MAVS: variants seen among roughly 807,000 people sequenced by gnomAD.
MAVS encodes mitochondrial antiviral signaling protein.
Under a neutral mutation model 30.2 loss-of-function variants are expected in MAVS, and 20 were observed. The observed-to-expected ratio is 0.66, with a 90% confidence interval of 0.47 to 0.96. The LOEUF (loss-of-function observed/expected upper bound fraction) is 0.96. Ranked by LOEUF, MAVS falls within the 40% of genes least tolerant of loss-of-function variation. The pLI, the probability that MAVS is intolerant of heterozygous loss-of-function variation, is 0.00. For missense variants in MAVS, 624 were observed against 701.1 expected (o/e 0.89, Z 1.24); for synonymous variants, 278 against 293.9 (o/e 0.95, Z 0.55).
At chr20:3,864,059 A>C (rs1029013556) in intron 5 of MAVS, among the ~76,000 whole-genome samples, 197 bp from the exon 6 acceptor site, 1 of 152,158 alleles carries the variant, frequency 6.6e-6, no homozygotes, top group African/African-American at 2.4e-5. Flanking sequence ...GCTACAGGTC[A>C]AGGACTGAGG....
In MAVS at chr20:3,854,661, T is replaced by C; in HGVS notation, c.37T>C (p.Cys13Arg). ...FAEDKTYKYICRNFSNFCNVD... is the reference protein window; with the variant it reads ...FAEDKTYKYIRRNFSNFCNVD... Reference sequence around the variant, plus strand: ...TGAAGACAAGACCTATAAGTATATCTGCCGCAATTTCAGCAATTTTTGCAA... The same window carrying C: ...TGAAGACAAGACCTATAAGTATATCCGCCGCAATTTCAGCAATTTTTGCAA... The change falls in exon 2 of 7, where the codon TGC becomes CGC. Residue 13 changes from cysteine (C) to arginine (R), a missense_variant. Physicochemically the swap from Cys to Arg is radical, Grantham distance 180. Transcript: ENST00000428216. The C allele has an allele frequency of 6.2e-7, 1 of 1,613,906 alleles. No homozygotes were observed. The highest frequency in any genetic ancestry group is 8.5e-7 in the Non-Finnish European group (1 of 1,179,900).
At position 3,865,870 on chromosome 20, in the gene MAVS, T is replaced by C. The variant is rs1420839816; in HGVS notation, c.1346T>C (p.Met449Thr). 1.2e-6 allele frequency: 2 copies of C among 1,613,932 alleles called. No individual in the cohort carries two copies. Among genetic ancestry groups the C allele is most frequent in the African/African-American group, 1.3e-5 (1 of 74,934 alleles). The stretch of plus-strand genomic sequence containing the variant: ...ATCAGTGCCAGCACCTCCTTGGGCA[T>C]GGGGCCCTGCCATGGCCCAGAGGAG... ...LAISASTSLGMGPCHGPEENE... is the reference protein window; with the variant it reads ...LAISASTSLGTGPCHGPEENE... Residue 449 changes from methionine to threonine, a missense_variant, in exon 7 of 7, where the codon ATG (methionine) becomes ACG (threonine). Physicochemically the swap from Met to Thr is moderately conservative, Grantham distance 81. Transcript: ENST00000428216. The surrounding 1 kb of genome is among the most constrained non-coding windows in gnomAD (Gnocchi z 4.7).
chr20:3,848,079 G>A (rs2089723417), intron 1 of MAVS, among the ~76,000 whole-genome samples: 1 of 152,000 alleles, frequency 6.6e-6, no homozygotes, highest in Non-Finnish European at 1.5e-5. Flanking sequence ...CCTGGCTGAT[G>A]CCATGAGAAA....
chr20:3,848,513 C>T (rs1298554221), intron 1 of MAVS, among the ~76,000 whole-genome samples: 3 of 152,224 alleles, frequency 2.0e-5, no homozygotes, highest in Admixed American at 6.5e-5. Context: ...ACTTGCCCCA[C>T]GAGGAATGTA....
At chr20:3,862,774 G>A (rs2089876801) in intron 5 of MAVS, among the ~76,000 whole-genome samples, 1 of 152,140 alleles carries the variant, frequency 6.6e-6, no homozygotes, top group Admixed American at 6.5e-5. Flanking sequence ...TGTTTGCTGA[G>A]CACCTTGGTT....
At chr20:3,854,054 T>C (rs559639792) in intron 1 of MAVS, among the ~76,000 whole-genome samples, 1 of 147,376 alleles carries the variant, frequency 6.8e-6, no homozygotes. Flanking sequence ...CAAATTGGCC[T>C]CCCAAAGTGC....
intron 1 of MAVS, among the ~76,000 whole-genome samples, chr20:3,848,378 C>A (rs148544282): frequency 6.6e-6 from 1 of 152,146 alleles, no homozygotes; most frequent in African/African-American, 2.4e-5. Context: ...GGATTCCAGG[C>A]GTGAGCCACC....
At chr20:3,849,335 G>A (rs575509956) in intron 1 of MAVS, among the ~76,000 whole-genome samples, 58 of 151,774 alleles carry the variant, frequency 3.8e-4, no homozygotes, top group Non-Finnish European at 6.6e-4. Context: ...TCAGCCTCCC[G>A]AGTAGCTGGG....
At chr20:3,859,682 G>A (rs2089847765) in intron 3 of MAVS, among the ~76,000 whole-genome samples, 2 of 152,032 alleles carry the variant, frequency 1.3e-5, no homozygotes, top group Non-Finnish European at 2.9e-5. Flanking sequence ...CCTGGGGACA[G>A]AGAAGAGTGA....
In MAVS at chr20:3,868,927, G is replaced by A. The variant is rs186621347; in HGVS notation, c.*2780G>A. Reference sequence around the variant, plus strand: ...TTTTAGCACAGTAACCAGCCATGATGGGAGATACCCTGGGTAAGGCATGTA... The same window carrying A: ...TTTTAGCACAGTAACCAGCCATGATAGGAGATACCCTGGGTAAGGCATGTA... On this transcript the variant is annotated 3_prime_UTR_variant, in exon 7 of 7. Coordinates refer to ENST00000428216, the MANE Select transcript of MAVS (RefSeq NM_020746.5). The A allele has an allele frequency of 1.3e-5, 2 of 152,342 alleles. No homozygotes were observed. The highest frequency in any genetic ancestry group is 6.5e-5 in the Admixed American group (1 of 15,280). 9.4% of individuals were successfully genotyped at this position (152,342 alleles called of 1,614,324 possible).
rs150691904 is a variant in MAVS at position 3,858,162 on chromosome 20, C to T, written c.292+353C>T. 2.1e-3 allele frequency among the ~76,000 whole-genome samples: 322 copies of T among 152,194 alleles called. 2 individuals are homozygous for T. The highest frequency in any genetic ancestry group is 7.1e-3 in the African/African-American group (296 of 41,528). ...CACATGGAGTCTCCCCTAACTTTCA[C>T]GGCTGTAGCATTCGCCTCCCACCCT... On this transcript the variant is annotated intron_variant, in intron 3 of 6. Coordinates refer to ENST00000428216, the MANE Select transcript of MAVS (RefSeq NM_020746.5).
chr20:3,874,561 C>T lies in MAVS; in HGVS notation c.*8414C>T, dbSNP rs1413442051. On this transcript the variant is annotated 3_prime_UTR_variant, in exon 7 of 7. Coordinates refer to ENST00000428216, the MANE Select transcript of MAVS (RefSeq NM_020746.5). Reference sequence around the variant, plus strand: ...GGAGATTGTTGGCATGGGGACAGAGCGGACTAACTGGAGGGGCATCTTTGG... The same window carrying T: ...GGAGATTGTTGGCATGGGGACAGAGTGGACTAACTGGAGGGGCATCTTTGG... 1 of 221,264 alleles carries T rather than the reference C, an allele frequency of 4.5e-6. No individual in the cohort carries two copies. The highest frequency in any genetic ancestry group is 8.8e-6 in the Non-Finnish European group (1 of 113,546). The allele number at this position is 221,264 out of a possible 1,614,324, so 13.7% of individuals were successfully genotyped here.
rs745822923 is a variant in MAVS, at chr20:3,868,254, T to TG, written c.*2108dup. On this transcript the variant is annotated 3_prime_UTR_variant, in exon 7 of 7. Coordinates refer to ENST00000428216, the MANE Select transcript of MAVS (RefSeq NM_020746.5). The stretch of plus-strand genomic sequence containing the variant: ...ACCCTAAACCCCAGTTAGGTACCCA[T>TG]GCTGGGCAGGTCAGTTAACAATTTA... 2 of 152,356 alleles carry TG rather than the reference T, an allele frequency of 1.3e-5. No individual in the cohort carries two copies. Among genetic ancestry groups the TG allele is most frequent in the African/African-American group, 2.4e-5 (1 of 41,442 alleles). 9.4% of individuals were successfully genotyped at this position (152,356 alleles called of 1,614,324 possible). A position where few individuals can be genotyped will look rare whatever the true frequency, so the allele number is the denominator to read the frequency against.
At chr20:3,858,093 C>T (rs185323127) in intron 3 of MAVS, among the ~76,000 whole-genome samples, 6 of 152,104 alleles carry the variant, frequency 3.9e-5, no homozygotes, top group Admixed American at 6.6e-5. Context: ...CGGGACGATG[C>T]GTGTTGAGTA....
chr20:3,860,373 AT>A (rs36084316), intron 3 of MAVS, among the ~76,000 whole-genome samples: 7,885 of 124,928 alleles, frequency 0.063, 297 homozygotes, highest in East Asian at 0.25. Context: ...GATTCCTTCT[AT>A]TTTTTTTTTT....
At position 3,873,957 on chromosome 20, in the gene MAVS, A is replaced by T; in HGVS notation, c.*7810A>T. On this transcript the variant is annotated 3_prime_UTR_variant, in exon 7 of 7. Coordinates refer to ENST00000428216, the MANE Select transcript of MAVS (RefSeq NM_020746.5). ...TATGTCCACCGAGACATTGGCAAGA[A>T]TGTTTCTAACCACACGCTGACTGTA... 2.5e-6 allele frequency: 1 copy of T among 396,802 alleles called. No homozygotes were observed. The highest frequency in any genetic ancestry group is 1.4e-4 in the South Asian group (1 of 6,994). The allele number at this position is 396,802 out of a possible 1,614,324, so 24.6% of individuals were successfully genotyped here.
chr20:3,855,178 C>T (rs1363135145), intron 2 of MAVS, among the ~76,000 whole-genome samples: 5 of 152,090 alleles, frequency 3.3e-5, no homozygotes, highest in Admixed American at 6.6e-5. Flanking sequence ...CGTGAGCCAC[C>T]GCACCCTTGC....
intron 1 of MAVS, among the ~76,000 whole-genome samples, chr20:3,849,034 C>G (rs2089734835): frequency 6.6e-6 from 1 of 152,122 alleles, no homozygotes; most frequent in African/African-American, 2.4e-5. Context: ...TCACAACCAC[C>G]AGAGAAGTCT....
rs1246874730 is a variant in MAVS at position 3,860,689 on chromosome 20, TC to T, written c.293-638del. ...CACGTCTGGCTTCTTTTTCTTTTTT[TC>T]CCCCGAGACGGAGTCTTGCTCTGTT... On this transcript the variant is annotated intron_variant, in intron 3 of 6. Coordinates refer to ENST00000428216, the MANE Select transcript of MAVS (RefSeq NM_020746.5). 6.0e-5 allele frequency among the ~76,000 whole-genome samples: 9 copies of T among 150,992 alleles called. No homozygotes were observed. In the South Asian group the frequency reaches 1.9e-3, roughly 32 times the overall value.
Sources: gnomAD v4.1 joint callset for allele counts (sites outside exome capture counted in the v4.1 genomes callset) on GRCh38, gnomAD v4.1.1 for gene constraint, Gnocchi (gnomAD v3.1) non-coding constraint, MANE v1.5 for transcripts, NCBI Gene and HGNC (gene_info 2026-07-23, HGNC 2026-07-21) for gene names.